Variants in ZFYVE28 observed in about 807,000 individuals in gnomAD.
ZFYVE28 encodes the protein zinc finger FYVE-type containing 28, also known as lateral signaling target protein 2 homolog.
ZFYVE28 carries 40 observed loss-of-function variants against 82.1 expected under a neutral mutation model. That is an observed-to-expected ratio of 0.49 (90% CI 0.38 to 0.63). The LOEUF (loss-of-function observed/expected upper bound fraction) is 0.63, where lower values mean the gene tolerates loss of function less well. ZFYVE28 is among the 30% of genes least tolerant of loss of function. The probability of loss-of-function intolerance (pLI) is 0.00; values close to 1 mark genes in which losing one functional copy is unlikely to be tolerated. For synonymous variants in ZFYVE28, 612 were observed against 546.1 expected (o/e 1.12, Z -1.68); for missense variants, 1,321 against 1,242.1 (o/e 1.06, Z -0.96).
At chr4:2,396,898 GT>G (rs1357364170) in intron 1 of ZFYVE28, among the ~76,000 whole-genome samples, 1 of 152,184 alleles carries the variant, frequency 6.6e-6, no homozygotes, top group East Asian at 1.9e-4. Flanking sequence ...TCACTGGGGG[GT>G]CCTGAGCAGC....
chr4:2,412,117 C>T (rs1249564937), intron 1 of ZFYVE28, among the ~76,000 whole-genome samples: 1 of 152,160 alleles, frequency 6.6e-6, no homozygotes, highest in Non-Finnish European at 1.5e-5. Flanking sequence ...CACGGGGATG[C>T]CTGAGGCGTA....
At chr4:2,396,160 G>A (rs1157552826) in intron 1 of ZFYVE28, among the ~76,000 whole-genome samples, 9 of 32,050 alleles carry the variant, frequency 2.8e-4, no homozygotes, top group Admixed American at 4.9e-4. Flanking sequence ...CAGCCATCCT[G>A]CAGAGGGGAC....
At chr4:2,306,445 G>C (rs1050892070) in intron 7 of ZFYVE28, among the ~76,000 whole-genome samples, 5 of 152,196 alleles carry the variant, frequency 3.3e-5, no homozygotes, top group African/African-American at 4.8e-5. Flanking sequence ...CCTGGCTCTC[G>C]CATGACACCA....
Position 2,341,967 on chromosome 4 carries a change from C to A in ZFYVE28, c.181-352G>T, listed in dbSNP as rs147855179. ...CCAGGGAGGCAGAGGTTGCAGTGAG[C>A]CGAGATGGTGCCATCGCACTCCAGC... On this transcript the variant is annotated intron_variant, in intron 2 of 12. Transcript: ENST00000290974. The surrounding 1 kb of genome is among the most constrained non-coding windows in gnomAD (Gnocchi z 4.5). Among the ~76,000 whole-genome samples the A allele has an allele frequency of 0.012, 1,827 of 152,256 alleles. 35 individuals carry two copies. Among genetic ancestry groups the A allele is most frequent in the African/African-American group, 0.041 (1,711 of 41,542 alleles).
intron 8 of ZFYVE28, among the ~76,000 whole-genome samples, chr4:2,280,406 G>A (rs1444994969): frequency 6.6e-6 from 1 of 152,176 alleles, no homozygotes; most frequent in East Asian, 1.9e-4. Context: ...TACTCTGGAA[G>A]CTGAGGTGGG....
intron 1 of ZFYVE28, among the ~76,000 whole-genome samples, chr4:2,404,309 CAAA>C (rs55924862): frequency 1.5e-4 from 10 of 66,530 alleles, no homozygotes; most frequent in South Asian, 1.4e-3. Flanking sequence ...GACTCCGCCT[CAAA>C]AAAAAAAAAA....
chr4:2,385,509 A>G (rs1729163907), intron 1 of ZFYVE28, among the ~76,000 whole-genome samples: 1 of 152,218 alleles, frequency 6.6e-6, no homozygotes, highest in South Asian at 2.1e-4. Flanking sequence ...TGGGACCCTG[A>G]GCAACGCCAA....
chr4:2,294,601 C>T (rs1053651849), intron 8 of ZFYVE28, among the ~76,000 whole-genome samples: 12 of 152,122 alleles, frequency 7.9e-5, no homozygotes, highest in African/African-American at 2.4e-4. Context: ...ATAAATTGTA[C>T]TTCATCAAAA....
chr4:2,390,470 G>C (rs1729711601), intron 1 of ZFYVE28, among the ~76,000 whole-genome samples: 1 of 152,224 alleles, frequency 6.6e-6, no homozygotes, highest in African/African-American at 2.4e-5. Context: ...GCTGGAAGAT[G>C]ATGGGGAGCC....
In ZFYVE28 at chr4:2,416,647, C is replaced by A. The variant is rs933729004; in HGVS notation, c.39+1638G>T. ...GCAGCAGGCAGGACCGAGAGGGGCT[C>A]GAAGGCGCCGCAGGAGGAGAGGCTG... On this transcript the variant is annotated intron_variant, in intron 1 of 12. Coordinates refer to ENST00000290974, the MANE Select transcript of ZFYVE28 (RefSeq NM_020972.3). This position sits in a 1 kb window ranked among gnomAD's most constrained non-coding sequence, Gnocchi z 4.6. Among the ~76,000 whole-genome samples the A allele has an allele frequency of 6.6e-6, 1 of 152,198 alleles. No individual in the cohort carries two copies. The highest frequency in any genetic ancestry group is 1.5e-5 in the Non-Finnish European group (1 of 68,036).
At chr4:2,398,953 G>C (rs1387769791) in intron 1 of ZFYVE28, among the ~76,000 whole-genome samples, 1 of 140,790 alleles carries the variant, frequency 7.1e-6, no homozygotes, top group Non-Finnish European at 1.5e-5. Context: ...GAGGGCACAA[G>C]GGGGGTGTGA....
At chr4:2,331,215 T>G (rs928710791) in intron 6 of ZFYVE28, among the ~76,000 whole-genome samples, 15 of 151,620 alleles carry the variant, frequency 9.9e-5, no homozygotes, top group Non-Finnish European at 2.1e-4. Context: ...CTGGGAAGCG[T>G]CGCACACACA....
intron 8 of ZFYVE28, among the ~76,000 whole-genome samples, chr4:2,283,294 T>G (rs1298754966): frequency 6.8e-6 from 1 of 147,850 alleles, no homozygotes; most frequent in East Asian, 2.0e-4. Context: ...CTACCCATCA[T>G]CCAATCTTCC....
At chr4:2,369,210 C>T (rs1010709596) in intron 1 of ZFYVE28, among the ~76,000 whole-genome samples, 1 of 152,144 alleles carries the variant, frequency 6.6e-6, no homozygotes, top group Admixed American at 6.5e-5. Context: ...TGTGGAACGC[C>T]GCACTCTGTG....
At chr4:2,313,409 T>G (rs780744452) in intron 7 of ZFYVE28, among the ~76,000 whole-genome samples, 3 of 152,072 alleles carry the variant, frequency 2.0e-5, no homozygotes, top group African/African-American at 7.2e-5. Flanking sequence ...CACAGATATG[T>G]GCCACCACAC....
In ZFYVE28 at chr4:2,341,763, T is replaced by C; in HGVS notation, c.181-148A>G. ...GGCTAGGCACGGTGGCTCATGCCTATAATGCCAGCACTTTGGGAGGCCGAG... is the reference window on the plus strand; with the variant it reads ...GGCTAGGCACGGTGGCTCATGCCTACAATGCCAGCACTTTGGGAGGCCGAG... On this transcript the variant is annotated intron_variant, in intron 2 of 12. Coordinates refer to ENST00000290974, the MANE Select transcript of ZFYVE28 (RefSeq NM_020972.3). The surrounding 1 kb of genome is among the most constrained non-coding windows in gnomAD (Gnocchi z 4.5). 8.5e-7 allele frequency: 1 copy of C among 1,179,614 alleles called. No individual in the cohort carries two copies. The highest frequency in any genetic ancestry group is 1.2e-6 in the Non-Finnish European group (1 of 850,286). The allele number at this position is 1,179,614 out of a possible 1,614,324, so 73.1% of individuals were successfully genotyped here. A position where few individuals can be genotyped will look rare whatever the true frequency, so the allele number is the denominator to read the frequency against.
Position 2,270,633 on chromosome 4 carries a change from C to A in ZFYVE28, c.*92G>T. ...GTGCCCCTGCAGCAGCGGCAGCGGC[C>A]TCATGAGACGCAGTGAGACCTGCCT... is the stretch of plus-strand genomic sequence containing the variant. On this transcript the variant is annotated 3_prime_UTR_variant, in exon 13 of 13. Coordinates refer to ENST00000290974, the MANE Select transcript of ZFYVE28 (RefSeq NM_020972.3). 1 of 1,564,942 alleles carries A rather than the reference C, an allele frequency of 6.4e-7. No homozygotes were observed. The highest frequency in any genetic ancestry group is 8.7e-7 in the Non-Finnish European group (1 of 1,150,388).
chr4:2,281,087 C>T (rs1454602440), intron 8 of ZFYVE28, among the ~76,000 whole-genome samples: 1 of 152,214 alleles, frequency 6.6e-6, no homozygotes, highest in South Asian at 2.1e-4. Context: ...CCCTCTCCTG[C>T]CTCCCTGCCC....
chr4:2,341,567 G>A lies in ZFYVE28; in HGVS notation c.229C>T (p.Gln77Ter). 1 of 1,614,068 alleles carries A rather than the reference G, an allele frequency of 6.2e-7. No homozygotes were observed. The highest frequency in any genetic ancestry group is 8.5e-7 in the Non-Finnish European group (1 of 1,179,994). The change falls in exon 3 of 13, where the codon CAG (glutamine) becomes TAG (stop). Residue 77 changes from glutamine (Q) to a stop codon, truncating the protein, a stop_gained. Transcript: ENST00000290974. LOFTEE classifies it high-confidence loss of function. This position sits in a 1 kb window ranked among gnomAD's most constrained non-coding sequence, Gnocchi z 4.5. ...CAGAAATCTCTGGGGGCGCGGTCCT[G>A]GGGGATGCACTCATCCATGATCTGG... ...INQIMDECIP[Q>*]DRAPRDFCVK...
Sources: allele counts gnomAD v4.1 joint callset (sites outside exome capture counted in the v4.1 genomes callset), GRCh38; gene constraint gnomAD v4.1.1; non-coding constraint Gnocchi (gnomAD v3.1); transcripts MANE v1.5; gene names NCBI Gene and HGNC (gene_info 2026-07-23, HGNC 2026-07-21).